The following PI4K2B variants were observed in gnomAD, a reference collection of about 807,000 sequenced individuals.
PI4K2B encodes phosphatidylinositol 4-kinase type 2 beta, also known as phosphatidylinositol 4-kinase type 2-beta.
In PI4K2B, 46 loss-of-function variants were observed where a neutral mutation model predicts 56.6. That is an observed-to-expected ratio of 0.81 (90% CI 0.64 to 1.04). The LOEUF is 1.04. Ranked by LOEUF, PI4K2B falls within the 50% of genes least tolerant of loss-of-function variation. The pLI, the probability that PI4K2B is intolerant of heterozygous loss-of-function variation, is 0.00. For missense variants in PI4K2B, 556 were observed against 607.7 expected, an observed-to-expected ratio of 0.91 and a Z score of 0.89; for synonymous variants, 211 against 223.8, an observed-to-expected ratio of 0.94 and a Z score of 0.51.
Position 25,234,052 on chromosome 4 carries a change from T to G in PI4K2B, c.-112T>G. The G allele has an allele frequency of 2.2e-6, 2 of 919,686 alleles. No individual in the cohort carries two copies. The highest frequency in any genetic ancestry group is 2.8e-6 in the Non-Finnish European group (2 of 703,786). 57.0% of individuals were successfully genotyped at this position (919,686 alleles called of 1,614,324 possible). A position where few individuals can be genotyped will look rare whatever the true frequency, so the allele number is the denominator to read the frequency against. Reference sequence around the variant, plus strand: ...GGCGCCAAGCGTGCCCGTGCGCTGGTGAGGTGGCGTCCGTTCTACCCGGTC... The same window carrying G: ...GGCGCCAAGCGTGCCCGTGCGCTGGGGAGGTGGCGTCCGTTCTACCCGGTC... On this transcript the variant is annotated 5_prime_UTR_variant, in exon 1 of 10. Coordinates refer to ENST00000264864, the MANE Select transcript of PI4K2B (RefSeq NM_018323.4).
Position 25,234,318 on chromosome 4 carries a change from C to T in PI4K2B, c.155C>T (p.Ala52Val). ...GGCAGCGCCGTGAGGCTGCTGGACG[C>T]TGCCGGGGAGGAGGGCGAGGCCGGC... ...APGSAVRLLD[A>V]AGEEGEAGDE... Residue 52 changes from alanine (A) to valine (V), a missense_variant, in exon 1 of 10, where the codon GCT becomes GTT. Physicochemically the swap from Ala to Val is moderately conservative, Grantham distance 64 (BLOSUM62 0). Transcript: ENST00000264864. The T allele has an allele frequency of 7.1e-7, 1 of 1,415,228 alleles. No individual in the cohort carries two copies. The highest frequency in any genetic ancestry group is 9.2e-7 in the Non-Finnish European group (1 of 1,081,716). 87.7% of individuals were successfully genotyped at this position (1,415,228 alleles called of 1,614,324 possible).
intron 3 of PI4K2B, among the ~76,000 whole-genome samples, chr4:25,256,231 T>G (rs146136175): frequency 5.9e-5 from 9 of 152,360 alleles, no homozygotes; most frequent in Admixed American, 1.3e-4. Flanking sequence ...CTGGCATCCT[T>G]TCTAAATTTT....
intron 1 of PI4K2B, among the ~76,000 whole-genome samples, chr4:25,238,628 G>T (rs754081814): frequency 6.6e-6 from 1 of 152,066 alleles, no homozygotes; most frequent in African/African-American, 2.4e-5. Flanking sequence ...GACCTTCACG[G>T]TGAGAGTTAT....
intron 6 of PI4K2B, among the ~76,000 whole-genome samples, chr4:25,261,060 A>G (rs1716458247): frequency 6.6e-6 from 1 of 151,860 alleles, no homozygotes; most frequent in Admixed American, 6.6e-5. Flanking sequence ...TTTATTTCAT[A>G]TTAGAATAGA....
At chr4:25,241,811 C>T (rs1019064524) in intron 1 of PI4K2B, among the ~76,000 whole-genome samples, 11 of 152,170 alleles carry the variant, frequency 7.2e-5, no homozygotes, top group Non-Finnish European at 1.0e-4. Flanking sequence ...AGAGCTATCT[C>T]GGCTCCCTCT....
chr4:25,263,730 AT>A lies in PI4K2B; in HGVS notation c.979-19del, dbSNP rs1560377388. ...TTTATATAGGTTCTTTTATCAACATATCATTTTTCTACTCTATAGGAATCAA... is the reference window on the plus strand; with the variant it reads ...TTTATATAGGTTCTTTTATCAACATACATTTTTCTACTCTATAGGAATCAA... On this transcript the variant is annotated intron_variant, in intron 6 of 9. Coordinates refer to ENST00000264864, the MANE Select transcript of PI4K2B (RefSeq NM_018323.4). 1.1e-6 allele frequency: 1 copy of A among 885,710 alleles called. No individual in the cohort carries two copies. The highest frequency in any genetic ancestry group is 1.5e-5 in the South Asian group (1 of 68,126). The allele number at this position is 885,710 out of a possible 1,614,324, so 54.9% of individuals were successfully genotyped here.
intron 4 of PI4K2B, chr4:25,258,399 G>A (rs939474476): frequency 6.6e-6 from 1 of 151,656 alleles, no homozygotes; most frequent in African/African-American, 2.4e-5. Flanking sequence ...AATAGAGACA[G>A]GGTTTTTACC....
intron 2 of PI4K2B, among the ~76,000 whole-genome samples, chr4:25,254,801 C>T (rs951545072): frequency 5.3e-5 from 8 of 152,236 alleles, no homozygotes; most frequent in African/African-American, 1.4e-4. Context: ...GGTCTTGGAG[C>T]CTTGCCCCCA....
At chr4:25,244,018 A>G (rs189332889) in intron 1 of PI4K2B, among the ~76,000 whole-genome samples, 1 of 152,310 alleles carries the variant, frequency 6.6e-6, no homozygotes, top group African/African-American at 2.4e-5. Context: ...ATTAAAGGCC[A>G]GGATTTGATC....
At chr4:25,238,503 G>A (rs1002609763) in intron 1 of PI4K2B, among the ~76,000 whole-genome samples, 1 of 152,172 alleles carries the variant, frequency 6.6e-6, no homozygotes, top group African/African-American at 2.4e-5. Flanking sequence ...CGCGGTTAGT[G>A]TTACAGTTCT....
At chr4:25,268,704 A>G (rs2109023488) in intron 8 of PI4K2B, 128 bp downstream of exon 8, 1 of 612,752 alleles carries the variant, frequency 1.6e-6, no homozygotes, top group Non-Finnish European at 2.7e-6. Context: ...GACAGGACAG[A>G]GAGGAATTAG....
intron 1 of PI4K2B, among the ~76,000 whole-genome samples, chr4:25,238,496 G>A (rs538269651): frequency 6.6e-6 from 1 of 152,228 alleles, no homozygotes; most frequent in South Asian, 2.1e-4. Flanking sequence ...GGACCCTCGC[G>A]GTTAGTGTTA....
At position 25,234,380 on chromosome 4, in the gene PI4K2B, G is replaced by T; in HGVS notation, c.217G>T (p.Val73Phe). 5 of 1,401,804 alleles carry T rather than the reference G, an allele frequency of 3.6e-6. No individual in the cohort carries two copies. The South Asian group carries it at 4.6e-5, about 13-fold the overall frequency. The allele number at this position is 1,401,804 out of a possible 1,614,324, so 86.8% of individuals were successfully genotyped here. A position where few individuals can be genotyped will look rare whatever the true frequency, so the allele number is the denominator to read the frequency against. The change falls in exon 1 of 10, where the codon GTC (valine) becomes TTC (phenylalanine). Residue 73 changes from valine (V) to phenylalanine (F), a missense_variant. Transcript: ENST00000264864. ...ELPLPPGDVG[V>F]SRSSSAELDR... Reference sequence around the variant, plus strand: ...GCCCCTCCCGCCCGGGGACGTGGGGGTCTCCCGGAGTTCGTCCGCCGAGCT... The same window carrying T: ...GCCCCTCCCGCCCGGGGACGTGGGGTTCTCCCGGAGTTCGTCCGCCGAGCT...
intron 1 of PI4K2B, among the ~76,000 whole-genome samples, chr4:25,236,380 G>T (rs997078962): frequency 6.6e-6 from 1 of 151,960 alleles, no homozygotes; most frequent in African/African-American, 2.4e-5. Context: ...GTGAAACCCT[G>T]CCTCTACTAA....
At position 25,276,994 on chromosome 4, in the gene PI4K2B, A is replaced by G. The variant is rs913516930; in HGVS notation, c.1273-20A>G. 1.1e-5 allele frequency: 17 copies of G among 1,496,930 alleles called. No individual in the cohort carries two copies. The Admixed American group carries it at 3.2e-4, about 28-fold the overall frequency. The allele number at this position is 1,496,930 out of a possible 1,614,324, so 92.7% of individuals were successfully genotyped here. A position where few individuals can be genotyped will look rare whatever the true frequency, so the allele number is the denominator to read the frequency against. The stretch of plus-strand genomic sequence containing the variant: ...CTTTTTATCTTTTTAAATTGGTAAA[A>G]ATCTCTCTTCTTCCCACAGATCTTA... On this transcript the variant is annotated intron_variant, in intron 9 of 9. Transcript: ENST00000264864.
At chr4:25,264,774 G>A (rs1025219613) in intron 7 of PI4K2B, among the ~76,000 whole-genome samples, 1 of 152,222 alleles carries the variant, frequency 6.6e-6, no homozygotes, top group African/African-American at 2.4e-5. Flanking sequence ...GGGAGACTGA[G>A]GTGAGAGGAT....
intron 1 of PI4K2B, among the ~76,000 whole-genome samples, chr4:25,242,651 G>T (rs1715577239): frequency 6.6e-6 from 1 of 152,244 alleles, no homozygotes; most frequent in South Asian, 2.1e-4. Context: ...GTGTTGCAGG[G>T]ACTGCTGCAT....
At chr4:25,260,665 TACAC>T (rs1157727207) in intron 6 of PI4K2B, 74 bp downstream of exon 6, 3,276 of 278,792 alleles carry the variant, frequency 0.012, 31 homozygotes, top group South Asian at 0.025. Flanking sequence ...CACACACACA[TACAC>T]ACACACACGT....
At position 25,255,218 on chromosome 4, in the gene PI4K2B, T is replaced by C. The variant is rs759938813; in HGVS notation, c.577T>C (p.Tyr193His). ...GGGGTACCTTTCCGAAGCGGGTGCCTATCTTGTGGACAACAAGCTTCATCT... is the reference window on the plus strand; with the variant it reads ...GGGGTACCTTTCCGAAGCGGGTGCCCATCTTGTGGACAACAAGCTTCATCT... ...NQGYLSEAGA[Y>H]LVDNKLHLSI... Residue 193 changes from tyrosine to histidine, a missense_variant, in exon 3 of 10, where the codon TAT becomes CAT. Coordinates refer to ENST00000264864, the MANE Select transcript of PI4K2B (RefSeq NM_018323.4). 1.2e-6 allele frequency: 2 copies of C among 1,614,214 alleles called. No individual in the cohort carries two copies. Among genetic ancestry groups the C allele is most frequent in the South Asian group, 2.2e-5 (2 of 91,084 alleles).
Sources: allele counts gnomAD v4.1 joint callset (sites outside exome capture counted in the v4.1 genomes callset), GRCh38; gene constraint gnomAD v4.1.1; transcripts MANE v1.5; gene names NCBI Gene and HGNC (gene_info 2026-07-23, HGNC 2026-07-21).